Variants in AP5M1 observed in about 807,000 individuals in gnomAD.
AP5M1 encodes the protein AP-5 complex subunit mu-1.
In AP5M1, 44 loss-of-function variants were observed where a neutral mutation model predicts 52.3. That is an observed-to-expected ratio of 0.84 (90% CI 0.66 to 1.08). AP5M1 has a LOEUF of 1.08. AP5M1 is among the 50% of genes least tolerant of loss of function. The pLI is 0.00. For missense variants in AP5M1, 526 were observed against 568.4 expected (o/e 0.93, Z 0.76); for synonymous variants, 213 against 199.0 (o/e 1.07, Z -0.59).
rs955287629 is a variant in AP5M1 at position 57,290,640 on chromosome 14, C to T, written c.*1756C>T. 4 of 151,758 alleles carry T rather than the reference C, an allele frequency of 2.6e-5. No individual in the cohort carries two copies. Among genetic ancestry groups the T allele is most frequent in the South Asian group, 2.1e-4 (1 of 4,812 alleles). The allele number at this position is 151,758 out of a possible 1,614,324, so 9.4% of individuals were successfully genotyped here. ...TCTTCTATTTGACATTTCTAGAAAC[C>T]GGAGGAAAATCTAGGGTGTCCTGGA... On this transcript the variant is annotated 3_prime_UTR_variant, in exon 8 of 8. Coordinates refer to ENST00000261558, the MANE Select transcript of AP5M1 (RefSeq NM_018229.4).
Position 57,295,702 on chromosome 14 carries a change from G to A in AP5M1, c.*6818G>A, listed in dbSNP as rs1885536355. The A allele has an allele frequency of 6.7e-6, 1 of 150,156 alleles. No individual in the cohort carries two copies. The highest frequency in any genetic ancestry group is 2.4e-5 in the African/African-American group (1 of 40,856). 9.3% of individuals were successfully genotyped at this position (150,156 alleles called of 1,614,324 possible). A position where few individuals can be genotyped will look rare whatever the true frequency, so the allele number is the denominator to read the frequency against. ...CTCTGCTAAAGATTTTTGTCTCTAG[G>A]AAATATATTCCATTAAAAAAAAAAA... is the stretch of plus-strand genomic sequence containing the variant. On this transcript the variant is annotated 3_prime_UTR_variant, in exon 8 of 8. Transcript: ENST00000261558.
intron 1 of AP5M1, chr14:57,273,720 A>G (rs1594697673): frequency 2.8e-6 from 2 of 702,246 alleles, no homozygotes; most frequent in East Asian, 5.4e-5. Flanking sequence ...GATTGGCAAG[A>G]AGACTCAGGG....
chr14:57,284,830 T>C (rs1373151029), intron 6 of AP5M1, among the ~76,000 whole-genome samples: 1 of 152,110 alleles, frequency 6.6e-6, no homozygotes, highest in Non-Finnish European at 1.5e-5. Context: ...ACCTAAATTA[T>C]TGATATGGAG....
intron 3 of AP5M1, among the ~76,000 whole-genome samples, chr14:57,280,780 G>A (rs191105825): frequency 1.4e-4 from 21 of 152,166 alleles, no homozygotes; most frequent in African/African-American, 5.1e-4. Flanking sequence ...GAACCCAGGT[G>A]GCGGAGGTTG....
At chr14:57,273,916 T>C (rs1367713388) in intron 1 of AP5M1, among the ~76,000 whole-genome samples, 1 of 152,204 alleles carries the variant, frequency 6.6e-6, no homozygotes, top group Non-Finnish European at 1.5e-5. Context: ...AAGTATATAC[T>C]CCTTGCTGAC....
chr14:57,273,382 G>A (rs1034613235), intron 1 of AP5M1, among the ~76,000 whole-genome samples: 3 of 152,052 alleles, frequency 2.0e-5, no homozygotes, highest in African/African-American at 4.8e-5. Flanking sequence ...ATTTACAAAC[G>A]AGAAAATAGG....
chr14:57,273,649 A>G lies in AP5M1; in HGVS notation c.75-595A>G, dbSNP rs1403909525. On this transcript the variant is annotated intron_variant, in intron 1 of 7. Coordinates refer to ENST00000261558, the MANE Select transcript of AP5M1 (RefSeq NM_018229.4). ...TTATTCTTTTTTATTATCTAAAAGT[A>G]TCTTCCAGGGCCATAGAGATAAACC... The G allele has an allele frequency of 4.4e-6, 3 of 682,002 alleles. No homozygotes were observed. The South Asian group carries it at 4.7e-5, about 11-fold the overall frequency. 42.2% of individuals were successfully genotyped at this position (682,002 alleles called of 1,614,324 possible).
Position 57,294,045 on chromosome 14 carries a change from T to A in AP5M1, c.*5161T>A, listed in dbSNP as rs991662911. ...CTGTTTCATGGATATAACATTAGTGTTTGTGTATAGCCTGGAACAATACAA... is the reference window on the plus strand; with the variant it reads ...CTGTTTCATGGATATAACATTAGTGATTGTGTATAGCCTGGAACAATACAA... On this transcript the variant is annotated 3_prime_UTR_variant, in exon 8 of 8. Coordinates refer to ENST00000261558, the MANE Select transcript of AP5M1 (RefSeq NM_018229.4). 2.6e-5 allele frequency: 4 copies of A among 151,798 alleles called. No individual in the cohort carries two copies. The highest frequency in any genetic ancestry group is 9.7e-5 in the African/African-American group (4 of 41,408). The allele number at this position is 151,798 out of a possible 1,614,324, so 9.4% of individuals were successfully genotyped here.
At chr14:57,279,536 G>A (rs144667790) in intron 2 of AP5M1, among the ~76,000 whole-genome samples, 2 of 152,256 alleles carry the variant, frequency 1.3e-5, no homozygotes, top group Non-Finnish European at 2.9e-5. Context: ...AGTTGTGGGG[G>A]TTAGAGGAGG....
intron 7 of AP5M1, among the ~76,000 whole-genome samples, chr14:57,287,614 A>C (rs1885340117): frequency 6.6e-6 from 1 of 152,132 alleles, no homozygotes. Context: ...TTAATACAAA[A>C]TATGTTGAAA....
At position 57,269,396 on chromosome 14, in the gene AP5M1, CA is replaced by C. The variant is rs1884819248; in HGVS notation, c.74+11del. 6.2e-7 allele frequency: 1 copy of C among 1,613,588 alleles called. No homozygotes were observed. On this transcript the variant is annotated intron_variant, in intron 1 of 7. Transcript: ENST00000261558. ...CACCGTGAGATTCTCCAGGTAAATGCAAATCTGAATCCTCAGGGATGATGGA... is the reference window on the plus strand; with the variant it reads ...CACCGTGAGATTCTCCAGGTAAATGCAATCTGAATCCTCAGGGATGATGGA...
intron 2 of AP5M1, among the ~76,000 whole-genome samples, chr14:57,276,316 C>A (rs1229699066): frequency 6.6e-6 from 1 of 152,180 alleles, no homozygotes; most frequent in African/African-American, 2.4e-5. Flanking sequence ...TGGCTCACTC[C>A]TGTAATCCCA....
chr14:57,282,202 T>C lies in AP5M1; in HGVS notation c.1062T>C (p.Cys354=), dbSNP rs1885197507. The change falls in exon 4 of 8, where the codon TGT becomes TGC. Residue 354 remains cysteine, a synonymous_variant. Coordinates refer to ENST00000261558, the MANE Select transcript of AP5M1 (RefSeq NM_018229.4). ...HESVKNNFEF[C]EAHIPFYNRG... is the part of the protein sequence containing the mutation. ...GTGTGAAAAATAATTTTGAATTCTG[T>C]GAAGCCCATATACCTTTTTACAATA... The C allele has an allele frequency of 6.4e-7, 1 of 1,570,938 alleles. No homozygotes were observed.
Position 57,298,154 on chromosome 14 carries a change from G to A in AP5M1, c.*9270G>A, listed in dbSNP as rs769951776. ...GAAACTCACTCTACAACAGCTTTGT[G>A]GGCTCCCTACTATTTACTAGAGTCA... On this transcript the variant is annotated 3_prime_UTR_variant, in exon 8 of 8. Transcript: ENST00000261558. The A allele has an allele frequency of 6.6e-6, 1 of 152,046 alleles. No homozygotes were observed. Among genetic ancestry groups the A allele is most frequent in the Non-Finnish European group, 1.5e-5 (1 of 68,014 alleles). 9.4% of individuals were successfully genotyped at this position (152,046 alleles called of 1,614,324 possible).
Position 57,281,959 on chromosome 14 carries a change from T to C in AP5M1, c.949-130T>C, listed in dbSNP as rs1159518393. ...CCCTATCCTTAAGATGAATATAGAT[T>C]CATCATTGCTGTTACCAAAACAACT... On this transcript the variant is annotated intron_variant, in intron 3 of 7. Coordinates refer to ENST00000261558, the MANE Select transcript of AP5M1 (RefSeq NM_018229.4). The C allele has an allele frequency of 5.6e-6, 4 of 713,788 alleles. No individual in the cohort carries two copies. The East Asian group carries it at 1.3e-4, about 24-fold the overall frequency. The allele number at this position is 713,788 out of a possible 1,614,324, so 44.2% of individuals were successfully genotyped here.
rs578182313 is a variant in AP5M1, at chr14:57,292,931, A to T, written c.*4047A>T. The T allele has an allele frequency of 8.6e-5, 13 of 151,644 alleles. No individual in the cohort carries two copies. Among genetic ancestry groups the T allele is most frequent in the Non-Finnish European group, 1.6e-4 (11 of 67,756 alleles). The allele number at this position is 151,644 out of a possible 1,614,324, so 9.4% of individuals were successfully genotyped here. On this transcript the variant is annotated 3_prime_UTR_variant, in exon 8 of 8. Transcript: ENST00000261558. ...CAAAGGAGCTTCTTGTGTTTCCATT[A>T]TAAGAATAATTGCATTCATTTTCAG...
At position 57,274,998 on chromosome 14, in the gene AP5M1, C is replaced by A. The variant is rs750949024; in HGVS notation, c.720+109C>A. Reference sequence around the variant, plus strand: ...CATTTTTTATTTTCATCTTAAGCAGCAGTTTTTAAATGGGAGAGTCATGTA... The same window carrying A: ...CATTTTTTATTTTCATCTTAAGCAGAAGTTTTTAAATGGGAGAGTCATGTA... On this transcript the variant is annotated intron_variant, in intron 2 of 7. Transcript: ENST00000261558. 17 of 1,311,392 alleles carry A rather than the reference C, an allele frequency of 1.3e-5. No individual in the cohort carries two copies. The Admixed American group carries it at 3.2e-4, about 25-fold the overall frequency. The allele number at this position is 1,311,392 out of a possible 1,614,324, so 81.2% of individuals were successfully genotyped here. A position where few individuals can be genotyped will look rare whatever the true frequency, so the allele number is the denominator to read the frequency against.
rs1885576834 is a variant in AP5M1, at chr14:57,297,507, A to G, written c.*8623A>G. On this transcript the variant is annotated 3_prime_UTR_variant, in exon 8 of 8. Transcript: ENST00000261558. ...CAATTGATAAACTAAATTTTTCTTT[A>G]GGATAGTTCACATCCAGTAGAACTT... 1 of 152,144 alleles carries G rather than the reference A, an allele frequency of 6.6e-6. No individual in the cohort carries two copies. Among genetic ancestry groups the G allele is most frequent in the African/African-American group, 2.4e-5 (1 of 41,436 alleles). The allele number at this position is 152,144 out of a possible 1,614,324, so 9.4% of individuals were successfully genotyped here.
intron 2 of AP5M1, 161 bp downstream of exon 2, chr14:57,275,050 C>G (rs541170761): frequency 1.8e-4 from 129 of 724,110 alleles, no homozygotes; most frequent in Non-Finnish European, 2.7e-4. Flanking sequence ...TTTTGCATTC[C>G]TTACCAATTA....
Sources: allele counts gnomAD v4.1 joint callset (sites outside exome capture counted in the v4.1 genomes callset), GRCh38; gene constraint gnomAD v4.1.1; transcripts MANE v1.5; gene names NCBI Gene and HGNC (gene_info 2026-07-23, HGNC 2026-07-21).